Variants in MFSD11 observed in about 807,000 individuals in gnomAD.
The protein encoded by MFSD11 is major facilitator superfamily domain containing 11.
MFSD11 carries 36 observed loss-of-function variants against 53.5 expected under a neutral mutation model. The observed-to-expected ratio is 0.67, with a 90% CI of 0.52 to 0.89. The LOEUF is 0.89. Among genes scored for constraint, MFSD11 ranks in the 40% least tolerant of loss-of-function variants. The pLI is 0.00. For synonymous variants in MFSD11, 186 were observed against 184.9 expected (o/e 1.01, Z -0.05); for missense variants, 530 against 543.9 (o/e 0.97, Z 0.25).
the MFSD11 span, among the ~76,000 whole-genome samples, chr17:76,797,845 C>A: frequency 3.3e-5 from 5 of 151,952 alleles, no homozygotes; most frequent in Non-Finnish European, 7.4e-5. Flanking sequence ...ATCCCCAGCT[C>A]ATATTTGATA....
At chr17:76,752,290 T>A (rs966238752) in intron 7 of MFSD11, among the ~76,000 whole-genome samples, 1 of 152,130 alleles carries the variant, frequency 6.6e-6, no homozygotes, top group African/African-American at 2.4e-5. Context: ...CTTGACTTCA[T>A]CAATCTTGGT....
At chr17:76,753,656 C>A (rs1305951308) in intron 7 of MFSD11, among the ~76,000 whole-genome samples, 1 of 146,914 alleles carries the variant, frequency 6.8e-6, no homozygotes, top group South Asian at 2.2e-4. Flanking sequence ...TCACAGCACT[C>A]CAGCCTGGGA....
intron 7 of MFSD11, 136 bp downstream of exon 7, chr17:76,744,602 A>G: frequency 1.3e-6 from 1 of 771,904 alleles, no homozygotes; most frequent in South Asian, 2.2e-5. Context: ...AAGGAAGAAA[A>G]TAAAGGAGGA....
chr17:76,791,175 G>A, the MFSD11 span, among the ~76,000 whole-genome samples: 1 of 148,478 alleles, frequency 6.7e-6, no homozygotes, highest in South Asian at 2.2e-4. Context: ...ATTAAATCTG[G>A]AAGTTTTGAT....
chr17:76,750,656 G>A (rs971856638), intron 7 of MFSD11, among the ~76,000 whole-genome samples: 3 of 151,618 alleles, frequency 2.0e-5, no homozygotes, highest in Non-Finnish European at 2.9e-5. Flanking sequence ...GCGCCTGGCC[G>A]AGCTTTAGAA....
At chr17:76,740,568 T>C (rs553929516) in intron 2 of MFSD11, among the ~76,000 whole-genome samples, 1 of 152,310 alleles carries the variant, frequency 6.6e-6, no homozygotes, top group South Asian at 2.1e-4. Context: ...GCTGGACTTT[T>C]GGCAAATTAC....
In MFSD11 at chr17:76,759,756, C is replaced by CTTTTTTTTTTTTTT. The variant is rs1159131964; in HGVS notation, c.682+5686_682+5699dup. 1.2e-3 allele frequency among the ~76,000 whole-genome samples: 33 copies of CTTTTTTTTTTTTTT among 27,016 alleles called. 5 individuals are homozygous for CTTTTTTTTTTTTTT. The highest frequency in any genetic ancestry group is 0.031 in the Middle Eastern group (1 of 32). The allele number at this position is 27,016 out of a possible 152,430, so 17.7% of individuals were successfully genotyped here. A position where few individuals can be genotyped will look rare whatever the true frequency, so the allele number is the denominator to read the frequency against. On this transcript the variant is annotated intron_variant, in intron 8 of 12. Transcript: ENST00000685175. ...ACAGGTGTGAGCCACCGTGACCGGCCTTTTTTTTTTTTTTTTTTTTTTTTT... is the reference window on the plus strand; with the variant it reads ...ACAGGTGTGAGCCACCGTGACCGGCCTTTTTTTTTTTTTTTTTTTTTTTTTTTTTTTTTTTTTTT...
At chr17:76,746,861 A>T (rs990161519) in intron 7 of MFSD11, among the ~76,000 whole-genome samples, 1 of 152,124 alleles carries the variant, frequency 6.6e-6, no homozygotes, top group Non-Finnish European at 1.5e-5. Context: ...TGTTGTTTTC[A>T]TGCCTTCTAA....
At chr17:76,788,501 G>C in the MFSD11 span, among the ~76,000 whole-genome samples, 1 of 148,842 alleles carries the variant, frequency 6.7e-6, no homozygotes, top group African/African-American at 2.5e-5. Flanking sequence ...AAGTAGCTGG[G>C]ATTACAGGTG....
the MFSD11 span, among the ~76,000 whole-genome samples, chr17:76,789,668 G>A: frequency 4.8e-3 from 719 of 149,848 alleles, 32 homozygotes; most frequent in African/African-American, 0.016. Context: ...GTTGCCTGAC[G>A]ACCTGATAGG....
At chr17:76,780,091 T>A (rs992734365), downstream of MFSD11, among the ~76,000 whole-genome samples, 4 of 152,152 alleles carry the variant, frequency 2.6e-5, no homozygotes, top group African/African-American at 7.2e-5. Flanking sequence ...ATTTTTTTTT[T>A]AAATTGAAAT....
chr17:76,756,728 C>G (rs1225288370), intron 8 of MFSD11, among the ~76,000 whole-genome samples: 1 of 151,978 alleles, frequency 6.6e-6, no homozygotes, highest in East Asian at 1.9e-4. Context: ...GGCATGGTGG[C>G]GGATGCCTGT....
At chr17:76,775,465 A>C (rs1216181403) in intron 11 of MFSD11, among the ~76,000 whole-genome samples, 1 of 152,212 alleles carries the variant, frequency 6.6e-6, no homozygotes, top group Non-Finnish European at 1.5e-5. Context: ...AAGCAGTGAA[A>C]TATCCAGACA....
At chr17:76,801,082 A>C in the MFSD11 span, among the ~76,000 whole-genome samples, 1 of 151,692 alleles carries the variant, frequency 6.6e-6, no homozygotes, top group Admixed American at 6.6e-5. Context: ...TCTGAAAAAA[A>C]AAAAAGGAAT....
At chr17:76,800,803 G>A in the MFSD11 span, among the ~76,000 whole-genome samples, 25 of 152,112 alleles carry the variant, frequency 1.6e-4, no homozygotes, top group African/African-American at 4.1e-4. Context: ...CAGACTGGGT[G>A]CAGTGGCTCA....
chr17:76,755,717 T>C (rs2079495415), intron 8 of MFSD11, among the ~76,000 whole-genome samples: 1 of 141,520 alleles, frequency 7.1e-6, no homozygotes, highest in Middle Eastern at 3.8e-3. Flanking sequence ...TATGTGTATA[T>C]ATATGTGTAT....
At chr17:76,793,021 T>C in the MFSD11 span, among the ~76,000 whole-genome samples, 5 of 151,416 alleles carry the variant, frequency 3.3e-5, no homozygotes, top group Non-Finnish European at 7.3e-5. Context: ...AGAGATCACA[T>C]GCTTCACAAG....
Position 76,778,157 on chromosome 17 carries a change from G to T in MFSD11, c.1186-31G>T, listed in dbSNP as rs28619519. On this transcript the variant is annotated intron_variant, in intron 12 of 12. Transcript: ENST00000685175. ...TGTGGCTCAGTGTGGCCCCCGGTGC[G>T]CCCGTTGTGATTTGTTTTGTTTGTT... 3.1e-6 allele frequency: 5 copies of T among 1,612,802 alleles called. No homozygotes were observed. In the South Asian group the frequency reaches 3.3e-5, roughly 11 times the overall value.
At chr17:76,768,841 C>G (rs902493968) in intron 9 of MFSD11, among the ~76,000 whole-genome samples, 1 of 151,838 alleles carries the variant, frequency 6.6e-6, no homozygotes, top group Non-Finnish European at 1.5e-5. Context: ...ATAAATTACC[C>G]GGGTGTGGTG....
Sources: allele counts gnomAD v4.1 joint callset (sites outside exome capture counted in the v4.1 genomes callset), GRCh38; gene constraint gnomAD v4.1.1; transcripts MANE v1.5; gene names NCBI Gene and HGNC (gene_info 2026-07-23, HGNC 2026-07-21).